The following BNC2 variants were observed in gnomAD, a reference collection of about 807,000 sequenced individuals.
BNC2 encodes the protein basonuclin zinc finger protein 2, also known as zinc finger protein basonuclin-2.
Under a neutral mutation model 76.3 loss-of-function variants are expected in BNC2, and 20 were observed. The ratio of observed to expected loss-of-function variants is 0.26; its 90% CI spans 0.18 to 0.38. The LOEUF (loss-of-function observed/expected upper bound fraction) is 0.38, where lower values mean the gene tolerates loss of function less well. Among genes scored for constraint, BNC2 ranks in the 10% least tolerant of loss-of-function variants. The pLI is 1.00. For synonymous variants in BNC2, 582 were observed against 514.8 expected (o/e 1.13, Z -1.77); for missense variants, 1,382 against 1,399.8 (o/e 0.99, Z 0.20).
At chr9:16,777,467 G>A (rs990493439) in intron 1 of BNC2, among the ~76,000 whole-genome samples, 2 of 152,026 alleles carry the variant, frequency 1.3e-5, no homozygotes, top group South Asian at 2.1e-4. Context: ...TTAGGAGGCC[G>A]AGGCAGGCAG....
At chr9:16,468,831 C>T (rs1821753370) in intron 5 of BNC2, among the ~76,000 whole-genome samples, 2 of 152,138 alleles carry the variant, frequency 1.3e-5, no homozygotes, top group African/African-American at 4.8e-5. Flanking sequence ...TATCTAGGCC[C>T]AAATGTGACA....
intron 1 of BNC2, among the ~76,000 whole-genome samples, chr9:16,815,778 C>T (rs1006954788): frequency 6.6e-6 from 1 of 152,158 alleles, no homozygotes; most frequent in African/African-American, 2.4e-5. Flanking sequence ...TCTTCTCCTA[C>T]CAAGTAAATA....
At chr9:16,468,127 A>C (rs1453501008) in intron 5 of BNC2, among the ~76,000 whole-genome samples, 1 of 143,180 alleles carries the variant, frequency 7.0e-6, no homozygotes, top group Non-Finnish European at 1.5e-5. Flanking sequence ...TGCAGCCTTG[A>C]CCTCCTGGGC....
chr9:16,832,967 G>A (rs1378162047), intron 1 of BNC2, among the ~76,000 whole-genome samples: 10 of 152,052 alleles, frequency 6.6e-5, no homozygotes, highest in South Asian at 2.1e-4. Flanking sequence ...CTGGTGATCC[G>A]CCTGCCTTGA....
chr9:16,581,226 A>G (rs1316897288), intron 4 of BNC2, among the ~76,000 whole-genome samples: 3 of 152,162 alleles, frequency 2.0e-5, no homozygotes, highest in East Asian at 3.9e-4. Flanking sequence ...CCCTAATCCA[A>G]TCTGACTGGT....
chr9:16,448,503 C>T (rs902795320), intron 5 of BNC2, among the ~76,000 whole-genome samples: 1 of 152,112 alleles, frequency 6.6e-6, no homozygotes, highest in Non-Finnish European at 1.5e-5. Context: ...GATGATTCTC[C>T]TTCACATATT....
At chr9:16,742,553 C>T (rs1444522905) in intron 1 of BNC2, among the ~76,000 whole-genome samples, 1 of 152,178 alleles carries the variant, frequency 6.6e-6, no homozygotes, top group South Asian at 2.1e-4. Context: ...ATACTAGCAG[C>T]CCCTACAGCC....
intron 3 of BNC2, among the ~76,000 whole-genome samples, chr9:16,624,248 T>C (rs911618574): frequency 1.3e-5 from 2 of 152,148 alleles, no homozygotes; most frequent in African/African-American, 4.8e-5. Context: ...TGTGGACTCA[T>C]ACCACAGGGC....
At chr9:16,690,113 G>T (rs971240754) in intron 3 of BNC2, among the ~76,000 whole-genome samples, 1 of 152,120 alleles carries the variant, frequency 6.6e-6, no homozygotes, top group South Asian at 2.1e-4. Flanking sequence ...TGGGACCCCA[G>T]ACTAAGACTC....
At chr9:16,722,778 A>G (rs997033106) in intron 3 of BNC2, among the ~76,000 whole-genome samples, 4 of 152,210 alleles carry the variant, frequency 2.6e-5, no homozygotes, top group African/African-American at 9.6e-5. Context: ...GTTTACATGT[A>G]CATAGAATAC....
chr9:16,488,931 T>G (rs1424009646), intron 5 of BNC2, among the ~76,000 whole-genome samples: 2 of 152,222 alleles, frequency 1.3e-5, no homozygotes, highest in East Asian at 3.8e-4. Flanking sequence ...TTTCAGTCAT[T>G]GCTAATCACT....
At chr9:16,664,568 C>T (rs897794125) in intron 3 of BNC2, among the ~76,000 whole-genome samples, 5 of 152,116 alleles carry the variant, frequency 3.3e-5, no homozygotes, top group East Asian at 1.9e-4. Flanking sequence ...GGTTTCTATG[C>T]GGTAAAAATT....
chr9:16,543,342 G>C (rs1452931816), intron 5 of BNC2, among the ~76,000 whole-genome samples: 1 of 152,148 alleles, frequency 6.6e-6, no homozygotes, highest in Admixed American at 6.5e-5. Context: ...TAAACCCAAA[G>C]CTCAGAGCTT....
intron 4 of BNC2, among the ~76,000 whole-genome samples, chr9:16,554,175 A>G (rs575326876): frequency 6.6e-6 from 1 of 152,302 alleles, no homozygotes; most frequent in African/African-American, 2.4e-5. Flanking sequence ...TACGGGCTAC[A>G]CTACACGTGC....
chr9:16,787,752 TG>T (rs1826336880), intron 1 of BNC2, among the ~76,000 whole-genome samples: 2 of 152,158 alleles, frequency 1.3e-5, no homozygotes, highest in African/African-American at 2.4e-5. Flanking sequence ...GGTCTCACTT[TG>T]TTGCCCGGGC....
At chr9:16,629,712 T>C (rs1821105163) in intron 3 of BNC2, among the ~76,000 whole-genome samples, 1 of 152,214 alleles carries the variant, frequency 6.6e-6, no homozygotes, top group Non-Finnish European at 1.5e-5. Context: ...TTCGATGCTG[T>C]AGTCTATTAA....
At chr9:16,488,302 G>C (rs1400193423) in intron 5 of BNC2, among the ~76,000 whole-genome samples, 4 of 152,114 alleles carry the variant, frequency 2.6e-5, no homozygotes, top group Admixed American at 6.5e-5. Flanking sequence ...AAGTTAGGAA[G>C]TCTGTTTTCT....
intron 3 of BNC2, chr9:16,704,840 GA>G (rs1168130495): frequency 6.6e-6 from 1 of 152,622 alleles, no homozygotes; most frequent in Non-Finnish European, 1.5e-5. Context: ...CAGCCTTGGG[GA>G]AGGGGGGACA....
chr9:16,554,611 A>C (rs1414942196), intron 4 of BNC2, among the ~76,000 whole-genome samples: 1 of 152,198 alleles, frequency 6.6e-6, no homozygotes, highest in African/African-American at 2.4e-5. Flanking sequence ...CTCTCACTCC[A>C]CAGGGCATTT....
Sources: gnomAD v4.1 joint callset for allele counts (sites outside exome capture counted in the v4.1 genomes callset) on GRCh38, gnomAD v4.1.1 for gene constraint, MANE v1.5 for transcripts, NCBI Gene and HGNC (gene_info 2026-07-23, HGNC 2026-07-21) for gene names.